The following POLR1C variants were observed in gnomAD, a reference collection of about 807,000 sequenced individuals.
POLR1C encodes the protein RNA polymerase I and III subunit C.
Under a neutral mutation model 38.3 loss-of-function variants are expected in POLR1C, and 42 were observed. That is an observed-to-expected ratio of 1.10 (90% CI 0.86 to 1.42). The LOEUF (loss-of-function observed/expected upper bound fraction) is 1.42, where lower values mean the gene tolerates loss of function less well. Among genes scored for constraint, POLR1C ranks in the 40% most tolerant of loss-of-function variants. POLR1C has a pLI of 0.00. For missense variants in POLR1C, 507 were observed against 450.5 expected (o/e 1.13, Z -1.14); for synonymous variants, 163 against 163.9 (o/e 0.99, Z 0.04).
At chr6:43,523,692 T>C (rs759086069), downstream of POLR1C, 99 of 963,320 alleles carry the variant, frequency 1.0e-4, 1 homozygote, top group South Asian at 1.3e-3. Flanking sequence ...GATACTTTAG[T>C]ATAATTACTT....
chr6:43,525,812 A>C, downstream of POLR1C: 1 of 1,612,262 alleles, frequency 6.2e-7, no homozygotes, highest in Non-Finnish European at 8.5e-7. Flanking sequence ...GCAAGGAGTA[A>C]AGGTATCACC....
At chr6:43,556,098 T>A in intron 10 of POLR1C, 1 of 1,171,906 alleles carries the variant, frequency 8.5e-7, no homozygotes, top group Non-Finnish European at 1.2e-6. Flanking sequence ...GCTTTGCATG[T>A]AATAATCACT....
At chr6:43,537,644 C>T (rs1050185210) in intron 9 of POLR1C, among the ~76,000 whole-genome samples, 9 of 151,962 alleles carry the variant, frequency 5.9e-5, no homozygotes, top group African/African-American at 1.9e-4. Flanking sequence ...GACATATTCA[C>T]GTGTAACAAA....
intron 10 of POLR1C, chr6:43,553,596 C>A (rs541644478): frequency 6.9e-5 from 101 of 1,467,068 alleles, no homozygotes; most frequent in African/African-American, 5.8e-4. Flanking sequence ...GACAATGGAG[C>A]CTTAGAGAAC....
At chr6:43,542,885 A>G (rs187044496) in intron 9 of POLR1C, among the ~76,000 whole-genome samples, 7 of 152,316 alleles carry the variant, frequency 4.6e-5, no homozygotes, top group Admixed American at 4.6e-4. Flanking sequence ...AACAGAAATT[A>G]TATATATATG....
chr6:43,539,052 C>T (rs1794526837), intron 9 of POLR1C: 8 of 1,540,630 alleles, frequency 5.2e-6, no homozygotes, highest in East Asian at 2.2e-5. Flanking sequence ...TCATCGATAC[C>T]AGCCATCATG....
chr6:43,526,975 C>A, intron 8 of POLR1C: 1 of 529,536 alleles, frequency 1.9e-6, no homozygotes, highest in Non-Finnish European at 3.4e-6. Flanking sequence ...TTACAGAATT[C>A]TCTGAGAGTG....
At chr6:43,523,364 A>T (rs1017069783), downstream of POLR1C, 1 of 283,946 alleles carries the variant, frequency 3.5e-6, no homozygotes, top group African/African-American at 2.2e-5. Flanking sequence ...TAACCCAGAC[A>T]TGCCCCTTAG....
chr6:43,520,552 T>C, intron 6 of POLR1C, 73 bp from the exon 7 acceptor site: 1 of 1,603,876 alleles, frequency 6.2e-7, no homozygotes, highest in Non-Finnish European at 8.5e-7. Context: ...CTTTTGCTGT[T>C]AGTAGCTTAG....
chr6:43,532,167 C>CT (rs1443761493), downstream of POLR1C, among the ~76,000 whole-genome samples: 1 of 152,138 alleles, frequency 6.6e-6, no homozygotes, highest in East Asian at 1.9e-4. Flanking sequence ...GCAACACCTA[C>CT]TTTTTATATT....
downstream of POLR1C, chr6:43,522,772 T>G: frequency 2.1e-6 from 1 of 467,168 alleles, no homozygotes; most frequent in Non-Finnish European, 4.6e-6. Flanking sequence ...ATGGACACAC[T>G]GGTTTCTGTA....
At chr6:43,551,752 A>G (rs1053938066) in intron 10 of POLR1C, among the ~76,000 whole-genome samples, 1 of 152,106 alleles carries the variant, frequency 6.6e-6, no homozygotes, top group Non-Finnish European at 1.5e-5. Flanking sequence ...GCTGGTCTCA[A>G]ACTCCTGGTT....
Position 43,540,622 on chromosome 6 carries a change from C to T in POLR1C, c.*5-10346C>T, listed in dbSNP as rs953067900. Among the ~76,000 whole-genome samples, 42 of 152,288 alleles carry T rather than the reference C, an allele frequency of 2.8e-4. 1 individual carries two copies. Among genetic ancestry groups the T allele is most frequent in the African/African-American group, 9.9e-4 (41 of 41,556 alleles). ...GAGCCGAGATCATGCCTTTGCATGC[C>T]AGCCTGGGCAACAAGAGTGACACTC... On this transcript the variant is annotated intron_variant, in intron 9 of 10. Coordinates refer to the POLR1C transcript ENST00000607635.
downstream of POLR1C, chr6:43,521,606 C>A: frequency 1.9e-6 from 1 of 519,164 alleles, no homozygotes; most frequent in Non-Finnish European, 3.0e-6. Flanking sequence ...CTCACTGCAG[C>A]TTCCTCCTGG....
At chr6:43,546,967 G>A (rs887718198) in intron 9 of POLR1C, among the ~76,000 whole-genome samples, 1 of 152,120 alleles carries the variant, frequency 6.6e-6, no homozygotes, top group African/African-American at 2.4e-5. Context: ...GGTAGGCTCT[G>A]GAAACTTCCC....
chr6:43,551,356 G>C, intron 10 of POLR1C: 1 of 1,614,006 alleles, frequency 6.2e-7, no homozygotes, highest in Non-Finnish European at 8.5e-7. Context: ...AAAGAGTGCA[G>C]AGACATTAGT....
intron 9 of POLR1C, chr6:43,546,807 CA>C: frequency 2.9e-6 from 4 of 1,382,462 alleles, no homozygotes; most frequent in Non-Finnish European, 2.9e-6. Flanking sequence ...AAAAAAAGAC[CA>C]AATACTGTTA....
At chr6:43,525,584 G>A, downstream of POLR1C, 1 of 533,048 alleles carries the variant, frequency 1.9e-6, no homozygotes, top group Non-Finnish European at 3.3e-6. Context: ...GCCTGGCTTG[G>A]GGAGGCTAAA....
At chr6:43,522,623 C>A, downstream of POLR1C, 1 of 401,930 alleles carries the variant, frequency 2.5e-6, no homozygotes, top group Non-Finnish European at 5.5e-6. Context: ...TCTGCTTCCC[C>A]AGCTTTGCTT....
Sources: allele counts gnomAD v4.1 joint callset (sites outside exome capture counted in the v4.1 genomes callset), GRCh38; gene constraint gnomAD v4.1.1; transcripts MANE v1.5; gene names NCBI Gene and HGNC (gene_info 2026-07-23, HGNC 2026-07-21).